Variants in GABRG3 observed in about 807,000 individuals in gnomAD.
GABRG3 encodes the protein gamma-aminobutyric acid type A receptor subunit gamma3.
In GABRG3, 25 loss-of-function variants were observed where a neutral mutation model predicts 48.8. That is an observed-to-expected ratio of 0.51 (90% CI 0.37 to 0.72). The LOEUF (loss-of-function observed/expected upper bound fraction) is 0.72. Among genes scored for constraint, GABRG3 ranks in the 30% least tolerant of loss-of-function variants. The pLI, the probability that GABRG3 is intolerant of heterozygous loss-of-function variation, is 0.00. For synonymous variants in GABRG3, 227 were observed against 217.6 expected (o/e 1.04, Z -0.38); for missense variants, 394 against 577.9 (o/e 0.68, Z 3.26).
At chr15:27,063,426 G>A (rs922284098) in intron 3 of GABRG3, among the ~76,000 whole-genome samples, 1 of 152,200 alleles carries the variant, frequency 6.6e-6, no homozygotes, top group South Asian at 2.1e-4. Context: ...GATCCCTCAC[G>A]AACGGCTTGG....
chr15:27,433,886 T>C (rs1467744781), intron 5 of GABRG3, among the ~76,000 whole-genome samples: 2 of 152,236 alleles, frequency 1.3e-5, no homozygotes, highest in Non-Finnish European at 2.9e-5. Flanking sequence ...AAGTCGACCT[T>C]GTGTCCTGTT....
chr15:27,276,021 A>ATC (rs1434093955), intron 3 of GABRG3, among the ~76,000 whole-genome samples: 1 of 152,234 alleles, frequency 6.6e-6, no homozygotes, highest in Non-Finnish European at 1.5e-5. Context: ...ATCCTGCAGG[A>ATC]CCACAGGACT....
chr15:27,374,914 G>C (rs1895542201), intron 5 of GABRG3, among the ~76,000 whole-genome samples: 1 of 152,120 alleles, frequency 6.6e-6, no homozygotes, highest in Admixed American at 6.5e-5. Context: ...AGGAAAAAAT[G>C]GCATGCAAAT....
At chr15:27,176,577 G>T (rs529797402) in intron 3 of GABRG3, among the ~76,000 whole-genome samples, 3 of 152,186 alleles carry the variant, frequency 2.0e-5, no homozygotes, top group Non-Finnish European at 2.9e-5. Context: ...AAGAATAACA[G>T]TTGTCACTTT....
At chr15:27,124,264 T>C (rs1014951707) in intron 3 of GABRG3, among the ~76,000 whole-genome samples, 1 of 152,124 alleles carries the variant, frequency 6.6e-6, no homozygotes, top group Non-Finnish European at 1.5e-5. Context: ...GGAACAACAG[T>C]GGTAAGAAAT....
chr15:27,346,105 AAG>A (rs796267624), intron 5 of GABRG3, among the ~76,000 whole-genome samples: 53 of 4,692 alleles, frequency 0.011, no homozygotes, highest in Admixed American at 0.019. Flanking sequence ...AAAGGAAAGA[AAG>A]AGAAAGGAAA....
chr15:27,217,134 T>C (rs1482880716), intron 3 of GABRG3, among the ~76,000 whole-genome samples: 2 of 152,024 alleles, frequency 1.3e-5, no homozygotes, highest in Middle Eastern at 3.4e-3. Flanking sequence ...TGCATAGTAT[T>C]CCATGGTGTA....
intron 2 of GABRG3, among the ~76,000 whole-genome samples, chr15:27,012,013 G>C (rs997087626): frequency 5.3e-5 from 8 of 152,006 alleles, no homozygotes; most frequent in Non-Finnish European, 8.8e-5. Context: ...GCTGCTCTTT[G>C]TTCCTTCTTG....
At chr15:27,021,459 G>C (rs1895892886) in intron 2 of GABRG3, among the ~76,000 whole-genome samples, 1 of 152,140 alleles carries the variant, frequency 6.6e-6, no homozygotes, top group Non-Finnish European at 1.5e-5. Flanking sequence ...ATACAAGGTA[G>C]GGATTCAGAG....
At chr15:27,312,373 A>AGCAT (rs1260864021) in intron 3 of GABRG3, among the ~76,000 whole-genome samples, 1 of 152,180 alleles carries the variant, frequency 6.6e-6, no homozygotes, top group African/African-American at 2.4e-5. Flanking sequence ...AACACCAGAA[A>AGCAT]GCATATTCAA....
At chr15:27,172,970 A>C (rs1408036831) in intron 3 of GABRG3, among the ~76,000 whole-genome samples, 1 of 152,134 alleles carries the variant, frequency 6.6e-6, no homozygotes, top group Non-Finnish European at 1.5e-5. Context: ...AACCACACAA[A>C]TGAGGCCGCC....
chr15:27,370,385 T>C (rs1199581448), intron 5 of GABRG3, among the ~76,000 whole-genome samples: 2 of 152,212 alleles, frequency 1.3e-5, no homozygotes, highest in African/African-American at 4.8e-5. Context: ...CTGGAGTACT[T>C]GTTCTGCAGC....
intron 3 of GABRG3, among the ~76,000 whole-genome samples, chr15:27,070,715 T>C (rs1345906129): frequency 6.6e-6 from 1 of 152,200 alleles, no homozygotes; most frequent in African/African-American, 2.4e-5. Context: ...CTAAAGGCAT[T>C]TGGGAAGCCA....
intron 3 of GABRG3, among the ~76,000 whole-genome samples, chr15:27,237,487 G>A (rs143826256): frequency 1.6e-3 from 243 of 152,240 alleles, no homozygotes; most frequent in East Asian, 0.015. Flanking sequence ...GCCGGCAGTC[G>A]CCAACAGCCG....
intron 3 of GABRG3, among the ~76,000 whole-genome samples, chr15:27,132,470 A>AT (rs1566943428): frequency 3.1e-5 from 1 of 32,374 alleles, no homozygotes. Context: ...CAGTAGTTAC[A>AT]GTTTTTTTTT....
At chr15:27,465,873 C>A (rs1332936863) in intron 5 of GABRG3, among the ~76,000 whole-genome samples, 1 of 150,044 alleles carries the variant, frequency 6.7e-6, no homozygotes, top group Non-Finnish European at 1.5e-5. Context: ...CTGATATGTT[C>A]TTTTGTATTC....
At chr15:27,201,082 G>A (rs146853921) in intron 3 of GABRG3, among the ~76,000 whole-genome samples, 1 of 152,190 alleles carries the variant, frequency 6.6e-6, no homozygotes, top group African/African-American at 2.4e-5. Flanking sequence ...GAATATTTGT[G>A]TTTAGCCCTT....
intron 5 of GABRG3, among the ~76,000 whole-genome samples, chr15:27,464,788 C>T (rs538983084): frequency 6.6e-6 from 1 of 152,082 alleles, no homozygotes; most frequent in Non-Finnish European, 1.5e-5. Flanking sequence ...ATTCTTTGCC[C>T]ATTTTTAAAT....
chr15:26,991,908 G>A (rs1299517494), intron 2 of GABRG3, among the ~76,000 whole-genome samples: 2 of 152,048 alleles, frequency 1.3e-5, no homozygotes, highest in Admixed American at 1.3e-4. Flanking sequence ...TTTTAGTAGA[G>A]ATGGGGTTTC....
Sources: allele counts gnomAD v4.1 joint callset (sites outside exome capture counted in the v4.1 genomes callset), GRCh38; gene constraint gnomAD v4.1.1; transcripts MANE v1.5; gene names NCBI Gene and HGNC (gene_info 2026-07-23, HGNC 2026-07-21).